TMEM163: variants seen among roughly 807,000 people sequenced by gnomAD.
TMEM163 encodes the protein transmembrane protein 163.
In TMEM163, 17 loss-of-function variants were observed where a neutral mutation model predicts 29.3. That is an observed-to-expected ratio of 0.58 (90% confidence interval 0.40 to 0.87). TMEM163 has a LOEUF of 0.87. Ranked by LOEUF, TMEM163 falls within the 40% of genes least tolerant of loss-of-function variation. The pLI is 0.00. For missense variants in TMEM163, 303 were observed against 381.5 expected (o/e 0.79, Z 1.71); for synonymous variants, 157 against 160.6 (o/e 0.98, Z 0.17).
intron 2 of TMEM163, among the ~76,000 whole-genome samples, chr2:134,582,066 A>C (rs1362579985): frequency 1.3e-5 from 2 of 152,226 alleles, no homozygotes; most frequent in Non-Finnish European, 2.9e-5. Flanking sequence ...AGCACAAGGT[A>C]TGCAAGAGTT....
At chr2:134,456,872 C>T in intron 7 of TMEM163, 96 bp from the exon 8 acceptor site, 3 of 1,304,746 alleles carry the variant, frequency 2.3e-6, no homozygotes, top group Non-Finnish European at 3.2e-6. Flanking sequence ...AGATAATTCA[C>T]ATACCATAAA....
At chr2:134,670,046 C>A (rs1461584324) in intron 2 of TMEM163, among the ~76,000 whole-genome samples, 2 of 152,104 alleles carry the variant, frequency 1.3e-5, no homozygotes, top group African/African-American at 4.8e-5. Context: ...AAACCATAAG[C>A]AATAAAGAGC....
intron 2 of TMEM163, among the ~76,000 whole-genome samples, chr2:134,684,604 C>T (rs1684314558): frequency 6.6e-6 from 1 of 152,096 alleles, no homozygotes; most frequent in Non-Finnish European, 1.5e-5. Context: ...AGCCCCACAC[C>T]CTCAGTGTTT....
chr2:134,583,477 A>G (rs1330376112), intron 2 of TMEM163, among the ~76,000 whole-genome samples: 1 of 152,206 alleles, frequency 6.6e-6, no homozygotes, highest in East Asian at 1.9e-4. Context: ...AAGCAATAAA[A>G]CCAAGTTCAG....
At chr2:134,516,325 C>T (rs2106492957) in intron 4 of TMEM163, among the ~76,000 whole-genome samples, 1 of 152,152 alleles carries the variant, frequency 6.6e-6, no homozygotes, top group South Asian at 2.1e-4. Flanking sequence ...CTTTGGGAGG[C>T]CGAGACGGGC....
chr2:134,517,424 T>C (rs1680097351), intron 4 of TMEM163, among the ~76,000 whole-genome samples: 1 of 152,212 alleles, frequency 6.6e-6, no homozygotes, highest in South Asian at 2.1e-4. Context: ...CCCAGTGTTA[T>C]GAAGCTAGTC....
At chr2:134,534,870 A>G (rs750421925) in intron 4 of TMEM163, among the ~76,000 whole-genome samples, 2 of 152,322 alleles carry the variant, frequency 1.3e-5, no homozygotes, top group South Asian at 4.1e-4. Flanking sequence ...AGCCAAGTGA[A>G]TCCTTGAGGA....
intron 4 of TMEM163, among the ~76,000 whole-genome samples, chr2:134,505,844 C>T (rs1228855867): frequency 6.6e-6 from 1 of 152,148 alleles, no homozygotes; most frequent in Non-Finnish European, 1.5e-5. Flanking sequence ...TAATTTATTG[C>T]TTACTTATCT....
intron 4 of TMEM163, among the ~76,000 whole-genome samples, chr2:134,516,660 TTCATACATATAG>T (rs1186741356): frequency 2.0e-5 from 3 of 147,518 alleles, no homozygotes; most frequent in African/African-American, 7.4e-5. Context: ...CATACATATA[TTCATACATATAG>T]TCATACATAT....
chr2:134,527,261 G>A (rs1680315708), intron 4 of TMEM163, among the ~76,000 whole-genome samples: 1 of 152,036 alleles, frequency 6.6e-6, no homozygotes, highest in Admixed American at 6.6e-5. Context: ...ATACGTGTAT[G>A]CATCTATACA....
chr2:134,616,751 A>C (rs1682616944), intron 2 of TMEM163, among the ~76,000 whole-genome samples: 1 of 152,218 alleles, frequency 6.6e-6, no homozygotes. Flanking sequence ...TAGTTATATA[A>C]GATGTTAACA....
At chr2:134,589,012 G>A (rs1681881962) in intron 2 of TMEM163, among the ~76,000 whole-genome samples, 2 of 152,138 alleles carry the variant, frequency 1.3e-5, no homozygotes, top group African/African-American at 4.8e-5. Context: ...TTATTGTCCA[G>A]CAATGCCAAA....
intron 2 of TMEM163, among the ~76,000 whole-genome samples, chr2:134,565,254 A>G (rs1681274374): frequency 6.6e-6 from 1 of 151,928 alleles, no homozygotes; most frequent in Non-Finnish European, 1.5e-5. Flanking sequence ...AAACAAAAAC[A>G]AAAGTGATCT....
At chr2:134,583,296 G>A (rs1241721946) in intron 2 of TMEM163, among the ~76,000 whole-genome samples, 2 of 152,218 alleles carry the variant, frequency 1.3e-5, no homozygotes, top group East Asian at 3.9e-4. Flanking sequence ...TGTATCAAGA[G>A]AGCTGACACA....
chr2:134,568,972 A>G (rs1225625421), intron 2 of TMEM163, among the ~76,000 whole-genome samples: 1 of 152,216 alleles, frequency 6.6e-6, no homozygotes, highest in Non-Finnish European at 1.5e-5. Flanking sequence ...CCATGAAATC[A>G]CTATGCCAAA....
chr2:134,458,450 C>A lies in TMEM163; in HGVS notation c.668-277G>T, dbSNP rs1686451318. ...ATATGTGGTTTATAGCTGGTCTCGC[C>A]CGTGCCCGCTAGAACGCAAACCTCC... On this transcript the variant is annotated intron_variant, in intron 6 of 7. Coordinates refer to ENST00000281924, the MANE Select transcript of TMEM163 (RefSeq NM_030923.5). 4 of 418,014 alleles carry A rather than the reference C, an allele frequency of 9.6e-6. No homozygotes were observed. The East Asian group carries it at 1.8e-4, about 19-fold the overall frequency. 25.9% of individuals were successfully genotyped at this position (418,014 alleles called of 1,614,324 possible). A position where few individuals can be genotyped will look rare whatever the true frequency, so the allele number is the denominator to read the frequency against.
chr2:134,567,939 G>A (rs16830807), intron 2 of TMEM163, among the ~76,000 whole-genome samples: 2,060 of 152,240 alleles, frequency 0.014, 51 homozygotes, highest in African/African-American at 0.047. Context: ...TGGCTATATC[G>A]TCTCCTCTGT....
rs117413466 is a variant in TMEM163 at position 134,693,247 on chromosome 2, G to C, written c.322+19953C>G. Among the ~76,000 whole-genome samples the C allele has an allele frequency of 7.1e-4, 108 of 152,264 alleles. 1 individual carries two copies. The East Asian group carries it at 0.014, about 20-fold the overall frequency. ...GATACTGATATGGGCCCTGCTTGAA[G>C]AGTAAGACATTTAAAAAAATAAATT... On this transcript the variant is annotated intron_variant, in intron 2 of 7. Transcript: ENST00000281924.
intron 2 of TMEM163, among the ~76,000 whole-genome samples, chr2:134,700,825 G>C (rs528974553): frequency 6.6e-6 from 1 of 152,024 alleles, no homozygotes; most frequent in African/African-American, 2.4e-5. Flanking sequence ...TTTGAACCCA[G>C]GAGGCAGAGG....
Sources: gnomAD v4.1 joint callset for allele counts (sites outside exome capture counted in the v4.1 genomes callset) on GRCh38, gnomAD v4.1.1 for gene constraint, MANE v1.5 for transcripts, NCBI Gene and HGNC (gene_info 2026-07-23, HGNC 2026-07-21) for gene names.